ZBBX: variants seen among roughly 807,000 people sequenced by gnomAD.
ZBBX encodes zinc finger B-box domain-containing protein 1.
In ZBBX, 101 loss-of-function variants were observed where a neutral mutation model predicts 108.5. That is an observed-to-expected ratio of 0.93 (90% CI 0.79 to 1.10). ZBBX has a LOEUF of 1.10. Ranked by LOEUF, ZBBX falls within the 50% of genes least tolerant of loss-of-function variation. The pLI is 0.00. For synonymous variants in ZBBX, 356 were observed against 323.4 expected (o/e 1.10, Z -1.08); for missense variants, 1,009 against 941.4 (o/e 1.07, Z -0.94).
At chr3:167,242,410 G>T in intron 21 of ZBBX, 95 bp downstream of exon 21, 1 of 1,085,624 alleles carries the variant, frequency 9.2e-7, no homozygotes, top group South Asian at 1.8e-5. Flanking sequence ...TACACATGAG[G>T]ACAATCTTTC....
At chr3:167,315,402 A>C (rs1735271912) in intron 15 of ZBBX, among the ~76,000 whole-genome samples, 1 of 152,146 alleles carries the variant, frequency 6.6e-6, no homozygotes, top group Admixed American at 6.6e-5. Flanking sequence ...ACTGAACAAA[A>C]TCCAGAGTAT....
Position 167,240,716 on chromosome 3 carries a change from G to T in ZBBX, c.*77C>A. 1 of 1,515,012 alleles carries T rather than the reference G, an allele frequency of 6.6e-7. No homozygotes were observed. The highest frequency in any genetic ancestry group is 9.0e-7 in the Non-Finnish European group (1 of 1,116,662). 93.8% of individuals were successfully genotyped at this position (1,515,012 alleles called of 1,614,324 possible). ...ATCAAAATCTCCAGCACTTGGATAG[G>T]TAATCACTTGGTTACTTTTCTCAGT... On this transcript the variant is annotated 3_prime_UTR_variant, in exon 22 of 22. Transcript: ENST00000675490.
chr3:167,350,370 G>T, intron 9 of ZBBX, 50 bp downstream of exon 9: 2 of 1,412,542 alleles, frequency 1.4e-6, no homozygotes, highest in South Asian at 1.4e-5. Flanking sequence ...GTCTTTATGT[G>T]GAAACATTTT....
At chr3:167,323,238 A>AGC (rs1736760256) in intron 11 of ZBBX, among the ~76,000 whole-genome samples, 1 of 30,492 alleles carries the variant, frequency 3.3e-5, no homozygotes, top group Non-Finnish European at 5.6e-5. Context: ...GAGCTAAAAG[A>AGC]GGGGGGGGGG....
At chr3:167,322,994 G>A (rs1220481714) in intron 11 of ZBBX, among the ~76,000 whole-genome samples, 2 of 152,024 alleles carry the variant, frequency 1.3e-5, no homozygotes, top group South Asian at 2.1e-4. Flanking sequence ...AAACAGCTAC[G>A]GGCCAGCAAT....
chr3:167,275,542 C>T (rs917194527), intron 20 of ZBBX, among the ~76,000 whole-genome samples: 1 of 152,216 alleles, frequency 6.6e-6, no homozygotes, highest in African/African-American at 2.4e-5. Context: ...AAATGGGTCA[C>T]TCCCACCCGA....
At chr3:167,368,230 A>C (rs1470309502) in intron 5 of ZBBX, among the ~76,000 whole-genome samples, 1 of 151,712 alleles carries the variant, frequency 6.6e-6, no homozygotes, top group Non-Finnish European at 1.5e-5. Context: ...AAAGGATAAG[A>C]CCCAATAATG....
chr3:167,337,485 C>T lies in ZBBX; in HGVS notation c.529-3500G>A, dbSNP rs146856691. ...AGTGAGCCGAGATTGTGCCACTGCA[C>T]TCCATCCTGGGTGACAGAGTGAGAC... On this transcript the variant is annotated intron_variant, in intron 9 of 21. Coordinates refer to ENST00000675490, the MANE Select transcript of ZBBX (RefSeq NM_001199201.2). 2.3e-3 allele frequency among the ~76,000 whole-genome samples: 351 copies of T among 152,166 alleles called. 2 individuals are homozygous for T. The highest frequency in any genetic ancestry group is 7.1e-3 in the African/African-American group (294 of 41,518).
intron 18 of ZBBX, among the ~76,000 whole-genome samples, chr3:167,294,024 CACTGCTCA>C (rs1731182972): frequency 6.6e-6 from 1 of 152,082 alleles, no homozygotes; most frequent in South Asian, 2.1e-4. Context: ...AACTACAAAC[CACTGCTCA>C]AGGAAATAAG....
At chr3:167,198,182 A>G in the ZBBX span, among the ~76,000 whole-genome samples, 1 of 152,068 alleles carries the variant, frequency 6.6e-6, no homozygotes, top group African/African-American at 2.4e-5. Flanking sequence ...CGGTTACTTG[A>G]AGAGGTATGT....
the ZBBX span, among the ~76,000 whole-genome samples, chr3:167,194,799 G>A: frequency 6.6e-6 from 1 of 152,152 alleles, no homozygotes; most frequent in Admixed American, 6.6e-5. Flanking sequence ...AGGAACTGTA[G>A]TTTGACCTAC....
At chr3:167,383,444 C>A (rs1288872519), upstream of ZBBX, among the ~76,000 whole-genome samples, 8 of 152,014 alleles carry the variant, frequency 5.3e-5, no homozygotes, top group Non-Finnish European at 1.2e-4. Context: ...TTAGCAAAAA[C>A]CAAATTAGTA....
At chr3:167,367,068 A>C in intron 5 of ZBBX, 1 of 353,688 alleles carries the variant, frequency 2.8e-6, no homozygotes, top group South Asian at 2.2e-5. Flanking sequence ...TTGAATTGTC[A>C]TTAAACGTTA....
Position 167,282,455 on chromosome 3 carries a change from A to C in ZBBX, c.2037T>G (p.Leu679=), listed in dbSNP as rs1032987785. 7 of 1,613,710 alleles carry C rather than the reference A, an allele frequency of 4.3e-6. No homozygotes were observed. Among genetic ancestry groups the C allele is most frequent in the East Asian group, 2.2e-5 (1 of 44,862 alleles). The change falls in exon 20 of 22, where the codon CTT becomes CTG. Residue 679 remains leucine, a synonymous_variant. Transcript: ENST00000675490. The part of the protein sequence containing the change: ...SQRPSTANFP[L]SNSVKESSSC... ...TGGAGCTTTCTTTAACAGAGTTGGAAAGTGGAAAATTTGCTGTTGAAGGTC... is the reference window on the plus strand; with the variant it reads ...TGGAGCTTTCTTTAACAGAGTTGGACAGTGGAAAATTTGCTGTTGAAGGTC...
At chr3:167,332,066 A>C (rs545486871) in intron 10 of ZBBX, among the ~76,000 whole-genome samples, 2 of 152,184 alleles carry the variant, frequency 1.3e-5, no homozygotes, top group Non-Finnish European at 2.9e-5. Context: ...AAATATTTTT[A>C]AAAATCCAAA....
chr3:167,371,927 G>C (rs1228135467), intron 4 of ZBBX, among the ~76,000 whole-genome samples: 2 of 152,160 alleles, frequency 1.3e-5, no homozygotes, highest in Admixed American at 6.5e-5. Context: ...AAAAATGATA[G>C]TCTGGGCTGG....
downstream of ZBBX, among the ~76,000 whole-genome samples, chr3:167,235,211 T>C (rs1720183779): frequency 6.6e-6 from 1 of 151,674 alleles, no homozygotes; most frequent in African/African-American, 2.4e-5. Context: ...ACATAGAAAG[T>C]CAGAGGAGAA....
intron 6 of ZBBX, among the ~76,000 whole-genome samples, chr3:167,364,199 T>A (rs1577095815): frequency 6.7e-6 from 1 of 149,248 alleles, no homozygotes; most frequent in African/African-American, 2.5e-5. Context: ...AAAAAAAAAA[T>A]ACGCAAAAAC....
intron 9 of ZBBX, among the ~76,000 whole-genome samples, chr3:167,342,169 G>T (rs576376869): frequency 1.3e-5 from 2 of 151,542 alleles, no homozygotes; most frequent in Non-Finnish European, 3.0e-5. Flanking sequence ...TTAGATAATT[G>T]GTATCCCATA....
Sources: gnomAD v4.1 joint callset for allele counts (sites outside exome capture counted in the v4.1 genomes callset) on GRCh38, gnomAD v4.1.1 for gene constraint, MANE v1.5 for transcripts, NCBI Gene and HGNC (gene_info 2026-07-23, HGNC 2026-07-21) for gene names.